Variants in CFAP46 observed in about 807,000 individuals in gnomAD.
The protein encoded by CFAP46 is cilia- and flagella-associated protein 46.
In CFAP46, 245 loss-of-function variants were observed where a neutral mutation model predicts 325.7. That is an observed-to-expected ratio of 0.75 (90% CI 0.68 to 0.84). The LOEUF (loss-of-function observed/expected upper bound fraction) is 0.84. Among genes scored for constraint, CFAP46 ranks in the 40% least tolerant of loss-of-function variants. The pLI, the probability that CFAP46 is intolerant of heterozygous loss-of-function variation, is 0.00. For missense variants in CFAP46, 3,346 were observed against 3,543.0 expected, an observed-to-expected ratio of 0.94 and a Z score of 1.41; for synonymous variants, 1,523 against 1,495.9, an observed-to-expected ratio of 1.02 and a Z score of -0.42.
At chr10:132,848,168 G>A (rs1360641176) in intron 41 of CFAP46, among the ~76,000 whole-genome samples, 3 of 152,152 alleles carry the variant, frequency 2.0e-5, no homozygotes, top group South Asian at 2.1e-4. Flanking sequence ...ACATTAAACA[G>A]GAAGTCAGTC....
intron 8 of CFAP46, among the ~76,000 whole-genome samples, chr10:132,934,225 C>T (rs1162397557): frequency 6.6e-6 from 1 of 152,224 alleles, no homozygotes; most frequent in Non-Finnish European, 1.5e-5. Flanking sequence ...AAGGAGGTGA[C>T]AAAATCGCTC....
intron 44 of CFAP46, among the ~76,000 whole-genome samples, chr10:132,843,854 A>C (rs1318186614): frequency 3.1e-5 from 3 of 96,854 alleles, no homozygotes; most frequent in African/African-American, 1.3e-4. Context: ...GGGTGTTCCC[A>C]GGGTGCTGTG....
chr10:132,934,046 G>C (rs1238673960), intron 8 of CFAP46, among the ~76,000 whole-genome samples: 1 of 152,224 alleles, frequency 6.6e-6, no homozygotes, highest in African/African-American at 2.4e-5. Context: ...GACCTGTGTT[G>C]TTTCAAGCTC....
At chr10:132,872,893 C>T in intron 31 of CFAP46, 69 bp from the exon 32 acceptor site, 1 of 1,514,554 alleles carries the variant, frequency 6.6e-7, no homozygotes, top group Non-Finnish European at 8.9e-7. Flanking sequence ...AAGGGTCTTT[C>T]CTCAGAGAAC....
At chr10:132,812,353 T>A (rs926246945) in intron 55 of CFAP46, among the ~76,000 whole-genome samples, 2 of 152,136 alleles carry the variant, frequency 1.3e-5, no homozygotes, top group Non-Finnish European at 2.9e-5. Flanking sequence ...CCTCCACGGC[T>A]GGTGGATGGC....
intron 44 of CFAP46, among the ~76,000 whole-genome samples, chr10:132,837,622 G>A (rs914266408): frequency 1.8e-5 from 2 of 113,788 alleles, no homozygotes; most frequent in African/African-American, 7.1e-5. Flanking sequence ...CACGTACACA[G>A]ACATGCACGG....
chr10:132,942,212 CAGCCACCGT>C, intron 1 of CFAP46, 108 bp from the exon 2 acceptor site: 1 of 1,414,464 alleles, frequency 7.1e-7, no homozygotes, highest in Non-Finnish European at 9.5e-7. Flanking sequence ...CCCCGGGCCA[CAGCCACCGT>C]CAGAACCTGT....
chr10:132,934,949 T>C, intron 7 of CFAP46, 87 bp from the exon 8 acceptor site: 1 of 890,026 alleles, frequency 1.1e-6, no homozygotes, highest in South Asian at 1.4e-5. Flanking sequence ...TGTATGAAAT[T>C]GTGTTTCTCA....
intron 27 of CFAP46, among the ~76,000 whole-genome samples, 164 bp from the exon 28 acceptor site, chr10:132,881,196 G>A (rs189688160): frequency 8.5e-4 from 130 of 152,266 alleles, no homozygotes; most frequent in South Asian, 6.0e-3. Context: ...TGCCATTTAG[G>A]CTCATTGGGA....
chr10:132,908,196 AAG>A (rs1849485157), intron 22 of CFAP46, among the ~76,000 whole-genome samples: 1 of 152,174 alleles, frequency 6.6e-6, no homozygotes, highest in Non-Finnish European at 1.5e-5. Context: ...GGCCTGTGGG[AAG>A]CTTTCTGGAC....
intron 45 of CFAP46, among the ~76,000 whole-genome samples, chr10:132,836,524 T>C (rs543049437): frequency 6.6e-6 from 1 of 152,340 alleles, no homozygotes; most frequent in South Asian, 2.1e-4. Flanking sequence ...ACAGCTGTCC[T>C]GCTCTCGGCT....
In CFAP46 at chr10:132,930,465, G is replaced by C. The variant is rs919657468; in HGVS notation, c.867-661C>G. On this transcript the variant is annotated intron_variant, in intron 8 of 57. Transcript: ENST00000368586. ...GGGACTTCCCCACACTCTCCACACAGAGCCTGGGCCTTCCCCATACTCCCC... is the reference window on the plus strand; with the variant it reads ...GGGACTTCCCCACACTCTCCACACACAGCCTGGGCCTTCCCCATACTCCCC... Among the ~76,000 whole-genome samples, 3 of 138,418 alleles carry C rather than the reference G, an allele frequency of 2.2e-5. No homozygotes were observed. The South Asian group carries it at 7.2e-4, about 33-fold the overall frequency. 90.8% of individuals were successfully genotyped at this position (138,418 alleles called of 152,430 possible).
chr10:132,925,934 C>T (rs1035278963), intron 10 of CFAP46, among the ~76,000 whole-genome samples: 4 of 152,226 alleles, frequency 2.6e-5, no homozygotes, highest in South Asian at 2.1e-4. Flanking sequence ...GGTTCCCAGC[C>T]GACCCTGTGG....
intron 19 of CFAP46, among the ~76,000 whole-genome samples, chr10:132,911,240 C>T (rs1049344744): frequency 2.0e-4 from 31 of 152,370 alleles, no homozygotes; most frequent in Admixed American, 1.1e-3. Flanking sequence ...TGTTCCTGGC[C>T]GGCCCACACT....
At chr10:132,926,930 G>A (rs894106138) in intron 9 of CFAP46, among the ~76,000 whole-genome samples, 1 of 152,224 alleles carries the variant, frequency 6.6e-6, no homozygotes, top group African/African-American at 2.4e-5. Context: ...CAGGGGCCTT[G>A]TCCCGGCCCC....
intron 2 of CFAP46, 89 bp downstream of exon 2, chr10:132,941,891 C>T (rs1013000158): frequency 6.6e-7 from 1 of 1,523,292 alleles, no homozygotes; most frequent in Non-Finnish European, 8.8e-7. Flanking sequence ...CTGCCTCTCC[C>T]CAGCCCCACT....
chr10:132,880,030 G>A (rs552860019), intron 28 of CFAP46, among the ~76,000 whole-genome samples: 10 of 152,224 alleles, frequency 6.6e-5, no homozygotes, highest in African/African-American at 1.4e-4. Flanking sequence ...CTAGAACCGC[G>A]GCCACAGGGA....
At chr10:132,918,638 G>T in intron 15 of CFAP46, 118 bp from the exon 16 acceptor site, 6 of 1,309,918 alleles carry the variant, frequency 4.6e-6, no homozygotes, top group Non-Finnish European at 6.0e-6. Flanking sequence ...TGTAGGGTCC[G>T]CCAAGGTGGG....
intron 39 of CFAP46, among the ~76,000 whole-genome samples, chr10:132,855,492 C>G (rs1053338008): frequency 6.6e-5 from 10 of 152,096 alleles, no homozygotes; most frequent in African/African-American, 2.2e-4. Context: ...ATTCTTTTAA[C>G]TGAGGGTGTT....
Sources: allele counts gnomAD v4.1 joint callset (sites outside exome capture counted in the v4.1 genomes callset), GRCh38; gene constraint gnomAD v4.1.1; transcripts MANE v1.5; gene names NCBI Gene and HGNC (gene_info 2026-07-23, HGNC 2026-07-21).